PMM1: variants seen among roughly 807,000 people sequenced by gnomAD.
PMM1 encodes the protein brain glucose-1,6-bisphosphatase.
In PMM1, 25 loss-of-function variants were observed where a neutral mutation model predicts 34.0. The ratio of observed to expected loss-of-function variants is 0.73; its 90% CI spans 0.54 to 1.03. The LOEUF (loss-of-function observed/expected upper bound fraction) is 1.03. PMM1 is among the 50% of genes least tolerant of loss of function. The probability of loss-of-function intolerance (pLI) is 0.00; values close to 1 mark genes in which losing one functional copy is unlikely to be tolerated. For missense variants in PMM1, 321 were observed against 350.1 expected, an observed-to-expected ratio of 0.92 and a Z score of 0.66; for synonymous variants, 134 against 143.9, an observed-to-expected ratio of 0.93 and a Z score of 0.49.
intron 1 of PMM1, among the ~76,000 whole-genome samples, chr22:41,587,243 C>T (rs2067319252): frequency 6.6e-6 from 1 of 150,450 alleles, no homozygotes; most frequent in Admixed American, 6.6e-5. Flanking sequence ...GCACTCCAGC[C>T]TGGGCGACAG....
rs1360900722 is a variant in PMM1 at position 41,577,362 on chromosome 22, G to A, written c.745C>T (p.Arg249Ter). The A allele has an allele frequency of 5.0e-6, 8 of 1,612,858 alleles. No individual in the cohort carries two copies. The highest frequency in any genetic ancestry group is 1.1e-5 in the South Asian group (1 of 91,080). The change falls in exon 8 of 8, where the codon CGA becomes TGA. Residue 249 changes from arginine (R) to a stop codon, truncating the protein, a stop_gained. Transcript: ENST00000216259. LOFTEE classifies it high-confidence loss of function. ...TCTGGGAAGAAAATCTCCCGGCATC[G>A]CTGCACCGTGTCCTGAGGAGACACC... ...SVVSPQDTVQ[R>*]CREIFFPETA...
rs2067180130 is a variant in PMM1 at position 41,576,907 on chromosome 22, T to C, written c.*411A>G. Reference sequence around the variant, plus strand: ...GACACAGCTGACACCTACTTTGTTCTGGGAACTTTAATACTGTGACAAAGT... The same window carrying C: ...GACACAGCTGACACCTACTTTGTTCCGGGAACTTTAATACTGTGACAAAGT... On this transcript the variant is annotated 3_prime_UTR_variant, in exon 8 of 8. Coordinates refer to ENST00000216259, the MANE Select transcript of PMM1 (RefSeq NM_002676.3). 3.4e-6 allele frequency: 1 copy of C among 297,588 alleles called. No individual in the cohort carries two copies. The highest frequency in any genetic ancestry group is 6.6e-6 in the Non-Finnish European group (1 of 151,714). The allele number at this position is 297,588 out of a possible 1,614,324, so 18.4% of individuals were successfully genotyped here. A position where few individuals can be genotyped will look rare whatever the true frequency, so the allele number is the denominator to read the frequency against.
intron 1 of PMM1, chr22:41,588,788 C>T (rs1250752605): frequency 1.0e-6 from 1 of 985,086 alleles, no homozygotes; most frequent in African/African-American, 1.8e-5. Context: ...AGGCTAAGAC[C>T]TGGGTTCCCA....
intron 1 of PMM1, among the ~76,000 whole-genome samples, chr22:41,586,809 G>A (rs1366347200): frequency 4.1e-5 from 6 of 147,772 alleles, no homozygotes; most frequent in Non-Finnish European, 7.5e-5. Context: ...GTGCCTGGCC[G>A]AAAGTTTTTA....
At position 41,584,001 on chromosome 22, in the gene PMM1, G is replaced by C. The variant is rs771466946; in HGVS notation, c.432C>G (p.Ser144Arg). 6.2e-7 allele frequency: 1 copy of C among 1,613,968 alleles called. No individual in the cohort carries two copies. The highest frequency in any genetic ancestry group is 1.1e-5 in the South Asian group (1 of 91,084). The change falls in exon 5 of 8, where the codon AGC becomes AGG. Residue 144 changes from serine to arginine, a missense_variant. Physicochemically the swap from Ser to Arg is moderately radical, Grantham distance 110. Transcript: ENST00000216259. ...ACTCGATCCTCTCCTCCAGGGTGCA[G>C]CTCCGGCCGATGGGCGAGATGTTCA... The part of the protein sequence containing the change: ...GMLNISPIGR[S>R]CTLEERIEFS...
intron 1 of PMM1, 107 bp downstream of exon 1, chr22:41,589,612 A>G: frequency 1.0e-6 from 1 of 972,022 alleles, no homozygotes; most frequent in Non-Finnish European, 1.5e-6. Context: ...CGCATCCCAC[A>G]CTCGGTCCCC....
intron 6 of PMM1, among the ~76,000 whole-genome samples, chr22:41,578,426 A>C (rs2067201275): frequency 6.6e-6 from 1 of 152,106 alleles, no homozygotes; most frequent in Non-Finnish European, 1.5e-5. Flanking sequence ...CAGTTGTGTC[A>C]GGGTCAGTTG....
intron 2 of PMM1, 29 bp downstream of exon 2, chr22:41,586,047 A>C: frequency 1.3e-6 from 2 of 1,523,096 alleles, no homozygotes; most frequent in Non-Finnish European, 1.8e-6. Context: ...CAAACTCCCC[A>C]CTCCCTCTAC....
intron 6 of PMM1, 54 bp from the exon 7 acceptor site, chr22:41,577,977 A>T: frequency 7.6e-7 from 1 of 1,317,238 alleles, no homozygotes. Flanking sequence ...AGACAAGGCT[A>T]ACAGAAGGGC....
chr22:41,588,730 C>A (rs1404426654), intron 1 of PMM1: 7 of 985,338 alleles, frequency 7.1e-6, no homozygotes, highest in African/African-American at 1.7e-5. Context: ...CAAGCCAGGG[C>A]AACTTCACCA....
chr22:41,584,362 T>A lies in PMM1; in HGVS notation c.293A>T (p.Asn98Ile), dbSNP rs1569056232. The A allele has an allele frequency of 6.2e-7, 1 of 1,613,932 alleles. No homozygotes were observed. The highest frequency in any genetic ancestry group is 1.7e-5 in the Admixed American group (1 of 59,996). ...GRLLSKQTIQ[N>I]HLGEELLQDL... is the part of the protein sequence containing the mutation. ...CTGCAGCAGCTCCTCCCCCAGGTGG[T>A]TCTGGATGGTCTGGCCAAGGAACAC... is the stretch of plus-strand genomic sequence containing the variant. The change falls in exon 4 of 8, where the codon AAC becomes ATC. Residue 98 changes from asparagine to isoleucine, a missense_variant. Transcript: ENST00000216259.
At chr22:41,582,905 C>T (rs867527710) in intron 5 of PMM1, among the ~76,000 whole-genome samples, 4 of 151,952 alleles carry the variant, frequency 2.6e-5, no homozygotes, top group African/African-American at 4.8e-5. Context: ...GCTCCATCCC[C>T]GAGAGGGAGG....
In PMM1 at chr22:41,589,221, C is replaced by G. The variant is rs1335956347; in HGVS notation, c.87+498G>C. ...TTCAGAAACTAGACCCAGTCCCAGG[C>G]CTGCAAAGGTCGGGGTGGGAAGACT... On this transcript the variant is annotated intron_variant, in intron 1 of 7. Transcript: ENST00000216259. 6.1e-6 allele frequency: 5 copies of G among 816,406 alleles called. No individual in the cohort carries two copies. In the South Asian group the frequency reaches 7.0e-5, roughly 11 times the overall value. The allele number at this position is 816,406 out of a possible 1,614,324, so 50.6% of individuals were successfully genotyped here.
chr22:41,577,641 T>A, intron 7 of PMM1, 167 bp downstream of exon 7: 1 of 759,740 alleles, frequency 1.3e-6, no homozygotes, highest in Non-Finnish European at 2.2e-6. Context: ...CCAATCTGTG[T>A]AACGGGGCTG....
intron 5 of PMM1, chr22:41,580,638 A>AT (rs1165053634): frequency 6.6e-6 from 1 of 152,166 alleles, no homozygotes; most frequent in Non-Finnish European, 1.5e-5. Context: ...CAGCACGTGT[A>AT]TTGGGGGGGA....
At chr22:41,581,652 G>A (rs780575257) in intron 5 of PMM1, among the ~76,000 whole-genome samples, 5 of 151,706 alleles carry the variant, frequency 3.3e-5, no homozygotes, top group Non-Finnish European at 7.4e-5. Flanking sequence ...TCAGGAGTTC[G>A]AGACCAGCCT....
chr22:41,577,586 TG>T, intron 7 of PMM1, 146 bp from the exon 8 acceptor site: 2 of 989,732 alleles, frequency 2.0e-6, no homozygotes, highest in Non-Finnish European at 3.0e-6. Flanking sequence ...CCTGACTTGC[TG>T]TGTGATGTAG....
At position 41,584,617 on chromosome 22, in the gene PMM1, T is replaced by G; in HGVS notation, c.206-14A>C. ...ACTTCTCAATGACTTCAGGGTCACA[T>G]AGAGGACAGGAGGAAGAAAGAGTGT... is the stretch of plus-strand genomic sequence containing the variant. On this transcript the variant is annotated splice_polypyrimidine_tract_variant and intron_variant, in intron 2 of 7. Coordinates refer to ENST00000216259, the MANE Select transcript of PMM1 (RefSeq NM_002676.3). 2.5e-6 allele frequency: 4 copies of G among 1,605,128 alleles called. No homozygotes were observed. The highest frequency in any genetic ancestry group is 1.1e-5 in the South Asian group (1 of 90,704).
In PMM1 at chr22:41,578,751, G is replaced by A. The variant is rs980629818; in HGVS notation, c.550+55C>T. On this transcript the variant is annotated intron_variant, in intron 6 of 7. Coordinates refer to ENST00000216259, the MANE Select transcript of PMM1 (RefSeq NM_002676.3). ...AGCCTGGTCTTGGCAGGGGCAGATG[G>A]TTTGAGGAGGGGCCCTGTACCAGGC... The A allele has an allele frequency of 2.7e-6, 4 of 1,475,472 alleles. No homozygotes were observed. The African/African-American group carries it at 4.1e-5, about 15-fold the overall frequency. The allele number at this position is 1,475,472 out of a possible 1,614,324, so 91.4% of individuals were successfully genotyped here.
Sources: gnomAD v4.1 joint callset for allele counts (sites outside exome capture counted in the v4.1 genomes callset) on GRCh38, gnomAD v4.1.1 for gene constraint, MANE v1.5 for transcripts, NCBI Gene and HGNC (gene_info 2026-07-23, HGNC 2026-07-21) for gene names.